SCNN1B: variants seen among roughly 807,000 people sequenced by gnomAD.
SCNN1B encodes the protein epithelial sodium channel subunit beta.
In SCNN1B, 46 loss-of-function variants were observed where a neutral mutation model predicts 65.3. That is an observed-to-expected ratio of 0.70 (90% CI 0.56 to 0.90). The LOEUF (loss-of-function observed/expected upper bound fraction) is 0.90. SCNN1B is among the 40% of genes least tolerant of loss of function. The pLI, the probability that SCNN1B is intolerant of heterozygous loss-of-function variation, is 0.00. For synonymous variants in SCNN1B, 349 were observed against 330.6 expected (o/e 1.06, Z -0.60); for missense variants, 751 against 830.5 (o/e 0.90, Z 1.18).
At chr16:23,309,932 C>A (rs1160943423) in intron 1 of SCNN1B, among the ~76,000 whole-genome samples, 1 of 152,170 alleles carries the variant, frequency 6.6e-6, no homozygotes, top group African/African-American at 2.4e-5. Flanking sequence ...TGTCAAGGCA[C>A]AAGTCCTAGG....
At chr16:23,297,053 A>G (rs114564997) in intron 2 of SCNN1B, among the ~76,000 whole-genome samples, 5,110 of 151,668 alleles carry the variant, frequency 0.034, 280 homozygotes, top group African/African-American at 0.12. Context: ...GCCTTTGATC[A>G]ATGGAATAAG....
chr16:23,346,019 C>T (rs1962177925), intron 1 of SCNN1B, among the ~76,000 whole-genome samples: 2 of 152,062 alleles, frequency 1.3e-5, no homozygotes, highest in Admixed American at 6.6e-5. Flanking sequence ...TAGAAACCCT[C>T]ATGTGCCATA....
Position 23,371,340 on chromosome 16 carries a change from C to G in SCNN1B, c.922C>G (p.Pro308Ala), listed in dbSNP as rs565545770. 1.7e-5 allele frequency: 28 copies of G among 1,614,044 alleles called. No homozygotes were observed. The highest frequency in any genetic ancestry group is 2.2e-5 in the Non-Finnish European group (26 of 1,180,020). ...GGACATAGGCCAGGAAGACTACGTC[C>G]CCTTCCTTGCGTCCACGGCCGGGGT... Reference protein sequence around the residue: ...ILDIGQEDYVPFLASTAGVRL... With the variant: ...ILDIGQEDYVAFLASTAGVRL... The change falls in exon 6 of 13, where the codon CCC (proline) becomes GCC (alanine). Residue 308 changes from proline (P) to alanine (A), a missense_variant. By Grantham distance (27) the Pro-to-Ala change is conservative. Transcript: ENST00000343070.
intron 1 of SCNN1B, among the ~76,000 whole-genome samples, chr16:23,318,240 T>G (rs1379743315): frequency 6.6e-6 from 1 of 152,196 alleles, no homozygotes; most frequent in Admixed American, 6.6e-5. Context: ...GCTCTGCTAC[T>G]TACTCTCACT....
chr16:23,365,300 GAAAGAGAGAA>G (rs979717748), intron 4 of SCNN1B, among the ~76,000 whole-genome samples: 2 of 148,860 alleles, frequency 1.3e-5, no homozygotes, highest in East Asian at 2.0e-4. Context: ...AAGAAAGAGA[GAAAGAGAGAA>G]AAAGAGAGAA....
Position 23,380,664 on chromosome 16 carries a change from C to T in SCNN1B, c.1786C>T (p.Pro596Ser), listed in dbSNP as rs1452582020. ...CTTTGGCTTCCAGCCTGACACGGCC[C>T]CCCGCAGCCCCAACACTGGGCCCTA... ...TNFGFQPDTA[P>S]RSPNTGPYPS... is the part of the protein sequence containing the mutation. The change falls in exon 13 of 13, where the codon CCC (proline) becomes TCC (serine). Residue 596 changes from proline to serine, a missense_variant. Physicochemically the swap from Pro to Ser is moderately conservative, Grantham distance 74. Transcript: ENST00000343070. This position sits in a 1 kb window ranked among gnomAD's most constrained non-coding sequence, Gnocchi z 5.4. The T allele has an allele frequency of 1.2e-6, 2 of 1,612,652 alleles. No homozygotes were observed. Among genetic ancestry groups the T allele is most frequent in the South Asian group, 2.2e-5 (2 of 91,008 alleles).
Position 23,371,363 on chromosome 16 carries a change from G to A in SCNN1B, c.945G>A (p.Gly315=). The A allele has an allele frequency of 1.2e-6, 2 of 1,614,158 alleles. No individual in the cohort carries two copies. The highest frequency in any genetic ancestry group is 1.7e-6 in the Non-Finnish European group (2 of 1,180,016). The change falls in exon 6 of 13, where the codon GGG becomes GGA. Residue 315 remains glycine, a synonymous_variant. Coordinates refer to ENST00000343070, the MANE Select transcript of SCNN1B (RefSeq NM_000336.3). Reference sequence around the variant, plus strand: ...TCCCCTTCCTTGCGTCCACGGCCGGGGTCAGGCTGATGCTTCACGAGCAGA... The same window carrying A: ...TCCCCTTCCTTGCGTCCACGGCCGGAGTCAGGCTGATGCTTCACGAGCAGA... ...DYVPFLASTA[G]VRLMLHEQRS...
chr16:23,362,693 G>C lies in SCNN1B; in HGVS notation c.777-5163G>C, dbSNP rs72654332. Among the ~76,000 whole-genome samples, 447 of 152,298 alleles carry C rather than the reference G, an allele frequency of 2.9e-3. 3 individuals are homozygous for C. Among genetic ancestry groups the C allele is most frequent in the African/African-American group, 9.4e-3 (392 of 41,550 alleles). On this transcript the variant is annotated intron_variant, in intron 4 of 12. Transcript: ENST00000343070. ...AGCAAATAGTTGGCACGCACGTGGA[G>C]ACCAAGAGCATGGCGCGGGCAGGAG...
intron 1 of SCNN1B, among the ~76,000 whole-genome samples, chr16:23,305,475 A>G (rs1458441487): frequency 2.2e-5 from 3 of 136,918 alleles, no homozygotes; most frequent in African/African-American, 7.9e-5. Context: ...GCTTGAGCTT[A>G]GGAGATCAAT....
intron 1 of SCNN1B, among the ~76,000 whole-genome samples, chr16:23,326,526 G>A (rs1447596240): frequency 1.3e-5 from 2 of 152,116 alleles, no homozygotes; most frequent in Non-Finnish European, 2.9e-5. Context: ...GTGCTGTGGT[G>A]TGATTTCGGC....
chr16:23,349,780 T>G (rs1962269677), intron 2 of SCNN1B, among the ~76,000 whole-genome samples: 1 of 152,148 alleles, frequency 6.6e-6, no homozygotes, highest in Non-Finnish European at 1.5e-5. Flanking sequence ...AATATCGAAT[T>G]CATCATCATT....
At chr16:23,343,684 C>T (rs145649385) in intron 1 of SCNN1B, among the ~76,000 whole-genome samples, 1 of 145,194 alleles carries the variant, frequency 6.9e-6, no homozygotes, top group African/African-American at 2.6e-5. Context: ...AAAAAAAAGC[C>T]GAAACACTTT....
intron 2 of SCNN1B, among the ~76,000 whole-genome samples, chr16:23,284,577 G>C (rs1960825868): frequency 6.6e-6 from 1 of 152,152 alleles, no homozygotes; most frequent in African/African-American, 2.4e-5. Flanking sequence ...AAAGCTAGGA[G>C]GCAGAGGGAA....
intron 2 of SCNN1B, among the ~76,000 whole-genome samples, chr16:23,349,848 AG>A (rs1231186674): frequency 6.6e-6 from 1 of 152,176 alleles, no homozygotes; most frequent in East Asian, 1.9e-4. Flanking sequence ...CTGTAATCCC[AG>A]CATTTTGAGA....
intron 1 of SCNN1B, among the ~76,000 whole-genome samples, chr16:23,345,262 C>T (rs1307432174): frequency 6.6e-6 from 1 of 152,190 alleles, no homozygotes; most frequent in African/African-American, 2.4e-5. Context: ...CCTCAAGGGG[C>T]TTGCGATCTC....
intron 2 of SCNN1B, among the ~76,000 whole-genome samples, chr16:23,284,489 AC>A (rs1336588622): frequency 6.6e-6 from 1 of 152,168 alleles, no homozygotes; most frequent in Admixed American, 6.5e-5. Flanking sequence ...CAGGTCAACA[AC>A]CCACATGTTG....
intron 1 of SCNN1B, among the ~76,000 whole-genome samples, chr16:23,332,499 G>A (rs1015056604): frequency 2.0e-5 from 3 of 151,936 alleles, no homozygotes; most frequent in Admixed American, 6.6e-5. Context: ...ACCCGGCCTC[G>A]TTTTTTATTT....
intron 4 of SCNN1B, chr16:23,359,106 G>A (rs1962480539): frequency 6.6e-6 from 1 of 152,052 alleles, no homozygotes; most frequent in Non-Finnish European, 1.5e-5. Flanking sequence ...TTTTTTAAGA[G>A]ACAGGGTATC....
intron 1 of SCNN1B, among the ~76,000 whole-genome samples, chr16:23,334,722 C>T (rs1329169555): frequency 6.6e-6 from 1 of 152,206 alleles, no homozygotes; most frequent in East Asian, 1.9e-4. Flanking sequence ...GTGTTGCAAT[C>T]AACATCCTTA....
Sources: allele counts gnomAD v4.1 joint callset (sites outside exome capture counted in the v4.1 genomes callset), GRCh38; gene constraint gnomAD v4.1.1; non-coding constraint Gnocchi (gnomAD v3.1); transcripts MANE v1.5; gene names NCBI Gene and HGNC (gene_info 2026-07-23, HGNC 2026-07-21).